Variants in ST18 observed in about 807,000 individuals in gnomAD.
ST18 encodes the protein ST18 C2H2C-type zinc finger transcription factor, also known as suppression of tumorigenicity 18 protein.
In ST18, 50 loss-of-function variants were observed where a neutral mutation model predicts 110.0. The observed-to-expected ratio is 0.45, with a 90% CI of 0.36 to 0.58. The LOEUF is 0.58. ST18 is among the 20% of genes least tolerant of loss of function. The probability of loss-of-function intolerance (pLI) is 0.00; values close to 1 mark genes in which losing one functional copy is unlikely to be tolerated. For synonymous variants in ST18, 461 were observed against 452.4 expected (o/e 1.02, Z -0.24); for missense variants, 1,306 against 1,280.1 (o/e 1.02, Z -0.31).
rs111711108 is a variant in ST18, at chr8:52,137,309, C to A, written c.2231+112G>T. On this transcript the variant is annotated intron_variant, in intron 18 of 25. Coordinates refer to ENST00000689386, the MANE Select transcript of ST18 (RefSeq NM_001352837.2). ...CTGAAAAAGAAAATAAACCAAAAAC[C>A]CAACCAACTCATTTCCTGCTTCAGA... is the stretch of plus-strand genomic sequence containing the variant. The A allele has an allele frequency of 2.7e-3, 3,015 of 1,114,564 alleles. 76 individuals carry two copies. In the African/African-American group the frequency reaches 0.043, roughly 16 times the overall value. 69.0% of individuals were successfully genotyped at this position (1,114,564 alleles called of 1,614,324 possible).
intron 6 of ST18, among the ~76,000 whole-genome samples, chr8:52,215,615 C>T (rs2083891766): frequency 6.6e-6 from 1 of 152,188 alleles, no homozygotes; most frequent in Admixed American, 6.5e-5. Context: ...ACTGCCTTTG[C>T]TGAACAGCAG....
intron 15 of ST18, among the ~76,000 whole-genome samples, chr8:52,155,969 A>C (rs1048476074): frequency 5.9e-5 from 9 of 152,174 alleles, no homozygotes; most frequent in African/African-American, 2.2e-4. Context: ...CTTTATGCAA[A>C]TGAGAGATGC....
At chr8:52,339,250 A>G (rs1813696494) in intron 2 of ST18, among the ~76,000 whole-genome samples, 1 of 152,054 alleles carries the variant, frequency 6.6e-6, no homozygotes, top group African/African-American at 2.4e-5. Context: ...AGTCCTTACT[A>G]TGTGGACCCC....
intron 15 of ST18, among the ~76,000 whole-genome samples, chr8:52,155,622 CAAGA>C (rs2059833081): frequency 6.6e-6 from 1 of 152,116 alleles, no homozygotes; most frequent in Non-Finnish European, 1.5e-5. Flanking sequence ...TTTTGGAGGC[CAAGA>C]GACTTTGCAA....
intron 2 of ST18, among the ~76,000 whole-genome samples, chr8:52,388,798 C>T (rs1263184999): frequency 5.6e-5 from 7 of 124,036 alleles, no homozygotes; most frequent in East Asian, 2.2e-4. Flanking sequence ...GGGAACATCA[C>T]ACTCCGGGGA....
At chr8:52,173,993 G>A (rs2065980292) in intron 9 of ST18, among the ~76,000 whole-genome samples, 1 of 152,132 alleles carries the variant, frequency 6.6e-6, no homozygotes, top group Non-Finnish European at 1.5e-5. Context: ...TAAATCAACA[G>A]TGGACTGCCA....
At chr8:52,221,428 A>T (rs2086703667) in intron 4 of ST18, among the ~76,000 whole-genome samples, 1 of 152,230 alleles carries the variant, frequency 6.6e-6, no homozygotes, top group East Asian at 1.9e-4. Flanking sequence ...CAGTCATCAT[A>T]CACAGAGGTG....
chr8:52,258,964 C>T (rs907343218), intron 2 of ST18, among the ~76,000 whole-genome samples: 2 of 152,116 alleles, frequency 1.3e-5, no homozygotes, highest in Non-Finnish European at 2.9e-5. Context: ...AAAACAAATC[C>T]TCTACTCTAA....
At chr8:52,274,010 T>G (rs967829445) in intron 2 of ST18, among the ~76,000 whole-genome samples, 1 of 152,186 alleles carries the variant, frequency 6.6e-6, no homozygotes, top group Non-Finnish European at 1.5e-5. Context: ...GTGAATTTCT[T>G]TTAAATCATG....
chr8:52,244,384 T>C (rs959753735), intron 2 of ST18, among the ~76,000 whole-genome samples: 1 of 152,216 alleles, frequency 6.6e-6, no homozygotes, highest in African/African-American at 2.4e-5. Flanking sequence ...GTACCTAATT[T>C]ACCTGTGAAA....
rs865802755 is a variant in ST18, at chr8:52,396,729, T to C, written c.-465+12599A>G. On this transcript the variant is annotated intron_variant, in intron 2 of 25. Coordinates refer to ENST00000689386, the MANE Select transcript of ST18 (RefSeq NM_001352837.2). ...AATTCACTCACTCATGAGAACAGCA[T>C]GGGGGAACCACCCCCATGATCTAAT... Among the ~76,000 whole-genome samples, 6 of 152,124 alleles carry C rather than the reference T, an allele frequency of 3.9e-5. No homozygotes were observed. The South Asian group carries it at 1.2e-3, about 31-fold the overall frequency.
At chr8:52,298,284 T>A (rs1471885364) in intron 2 of ST18, among the ~76,000 whole-genome samples, 1 of 152,194 alleles carries the variant, frequency 6.6e-6, no homozygotes, top group African/African-American at 2.4e-5. Flanking sequence ...GGAACTGGGA[T>A]TGGTGGGCAT....
chr8:52,305,466 T>C (rs1265173692), intron 2 of ST18, among the ~76,000 whole-genome samples: 1 of 152,240 alleles, frequency 6.6e-6, no homozygotes, highest in Non-Finnish European at 1.5e-5. Context: ...CTTACAGCTC[T>C]CAAAGTTGTA....
rs1286834805 is a variant in ST18 at position 52,161,716 on chromosome 8, A to G, written c.1401-148T>C. The stretch of plus-strand genomic sequence containing the variant: ...ATAAGAGAGACGGGGCCATGGCAGG[A>G]CAGAGCAGCATGCTCCGGACCCATA... On this transcript the variant is annotated intron_variant, in intron 13 of 25. Coordinates refer to ENST00000689386, the MANE Select transcript of ST18 (RefSeq NM_001352837.2). 1.1e-5 allele frequency: 10 copies of G among 903,194 alleles called. No individual in the cohort carries two copies. In the East Asian group the frequency reaches 2.4e-4, roughly 21 times the overall value. The allele number at this position is 903,194 out of a possible 1,614,324, so 55.9% of individuals were successfully genotyped here.
chr8:52,404,017 A>G (rs1356953954), intron 2 of ST18: 1 of 152,168 alleles, frequency 6.6e-6, no homozygotes, highest in Non-Finnish European at 1.5e-5. Flanking sequence ...TAAACAGCAT[A>G]ATAGTTTGAT....
At chr8:52,342,689 A>C (rs1017832505) in intron 2 of ST18, among the ~76,000 whole-genome samples, 2 of 152,130 alleles carry the variant, frequency 1.3e-5, no homozygotes, top group African/African-American at 4.8e-5. Flanking sequence ...CTGCATTTCT[A>C]ATGGGCTGTG....
At chr8:52,211,986 T>C in intron 8 of ST18, 93 bp downstream of exon 8, 1 of 1,381,494 alleles carries the variant, frequency 7.2e-7, no homozygotes, top group Non-Finnish European at 1.0e-6. Flanking sequence ...TTCCTTCTGC[T>C]AAAAAAAGTA....
At chr8:52,364,940 G>A (rs528773964) in intron 2 of ST18, among the ~76,000 whole-genome samples, 13 of 152,094 alleles carry the variant, frequency 8.5e-5, no homozygotes, top group African/African-American at 1.9e-4. Context: ...CAAAATCCCC[G>A]TCTCTACTAA....
Position 52,334,399 on chromosome 8 carries a change from G to A in ST18, c.-465+74929C>T, listed in dbSNP as rs376098396. ...GTATGTGTTTTGGCTGAAAAGGAAA[G>A]CACCCACATGTGTAACTCACCTTTG... On this transcript the variant is annotated intron_variant, in intron 2 of 25. Coordinates refer to ENST00000689386, the MANE Select transcript of ST18 (RefSeq NM_001352837.2). Among the ~76,000 whole-genome samples the A allele has an allele frequency of 9.3e-4, 142 of 152,250 alleles. 2 individuals are homozygous for A. Among genetic ancestry groups the A allele is most frequent in the Non-Finnish European group, 7.4e-4 (50 of 67,998 alleles).
Sources: allele counts gnomAD v4.1 joint callset (sites outside exome capture counted in the v4.1 genomes callset), GRCh38; gene constraint gnomAD v4.1.1; transcripts MANE v1.5; gene names NCBI Gene and HGNC (gene_info 2026-07-23, HGNC 2026-07-21).